The following CSMD1 variants were observed in gnomAD, a reference collection of about 807,000 sequenced individuals.
CSMD1 encodes CUB and sushi domain-containing protein 1.
In CSMD1, 213 loss-of-function variants were observed where a neutral mutation model predicts 417.5. The observed-to-expected ratio is 0.51, with a 90% confidence interval of 0.46 to 0.57. The LOEUF is 0.57. Ranked by LOEUF, CSMD1 falls within the 20% of genes least tolerant of loss-of-function variation. The pLI is 0.00. For synonymous variants in CSMD1, 2,862 were observed against 1,736.8 expected, an observed-to-expected ratio of 1.65 and a Z score of -16.11; for missense variants, 6,923 against 4,529.7, an observed-to-expected ratio of 1.53 and a Z score of -15.17.
intron 2 of CSMD1, among the ~76,000 whole-genome samples, chr8:4,575,890 G>C (rs966187043): frequency 1.3e-5 from 2 of 152,050 alleles, no homozygotes; most frequent in Non-Finnish European, 2.9e-5. Context: ...TTCATTCCCC[G>C]TGTTACAGCT....
At chr8:3,102,316 G>A (rs1190880772) in intron 46 of CSMD1, among the ~76,000 whole-genome samples, 1 of 152,198 alleles carries the variant, frequency 6.6e-6, no homozygotes, top group African/African-American at 2.4e-5. Flanking sequence ...CAAATGATGA[G>A]TTGTTTAGAG....
intron 26 of CSMD1, among the ~76,000 whole-genome samples, chr8:3,275,288 C>T (rs13270657): frequency 0.27 from 41,739 of 151,962 alleles, 5,941 homozygotes; most frequent in African/African-American, 0.34. Flanking sequence ...GAGTTTCTGT[C>T]AAGAGATCTG....
intron 12 of CSMD1, among the ~76,000 whole-genome samples, chr8:3,462,542 C>A (rs987902701): frequency 1.3e-5 from 2 of 152,146 alleles, no homozygotes; most frequent in Non-Finnish European, 1.5e-5. Context: ...GAATCTAATA[C>A]CTGATGATCT....
chr8:4,577,510 C>T (rs915852839), intron 2 of CSMD1, among the ~76,000 whole-genome samples: 4 of 152,176 alleles, frequency 2.6e-5, no homozygotes, highest in Non-Finnish European at 5.9e-5. Context: ...CCCACCTTGC[C>T]ATCCACAGCC....
At chr8:3,070,333 C>A (rs1382741101) in intron 49 of CSMD1, among the ~76,000 whole-genome samples, 1 of 152,226 alleles carries the variant, frequency 6.6e-6, no homozygotes, top group African/African-American at 2.4e-5. Context: ...TGCCACACGG[C>A]CAGCCTGCAA....
chr8:3,955,863 C>T (rs999553675), intron 5 of CSMD1, among the ~76,000 whole-genome samples: 3 of 152,224 alleles, frequency 2.0e-5, no homozygotes, highest in Non-Finnish European at 2.9e-5. Flanking sequence ...TCTGTTCCCC[C>T]AGGCTGGGTG....
intron 11 of CSMD1, among the ~76,000 whole-genome samples, chr8:3,492,851 TA>T (rs1363004540): frequency 1.3e-5 from 2 of 151,696 alleles, no homozygotes; most frequent in East Asian, 3.9e-4. Context: ...CCATGTCTGT[TA>T]CTTTATTACG....
intron 23 of CSMD1, among the ~76,000 whole-genome samples, chr8:3,325,465 T>C (rs1806463986): frequency 6.6e-6 from 1 of 152,372 alleles, no homozygotes; most frequent in Non-Finnish European, 1.5e-5. Context: ...CTAGGTCCTT[T>C]TGTCTTTCTC....
At chr8:3,808,315 T>G (rs1047364505) in intron 5 of CSMD1, among the ~76,000 whole-genome samples, 2 of 152,116 alleles carry the variant, frequency 1.3e-5, no homozygotes, top group Non-Finnish European at 2.9e-5. Flanking sequence ...AATGGGAGCC[T>G]CTCTTCTCTA....
chr8:4,172,051 G>A (rs946285400), intron 3 of CSMD1, among the ~76,000 whole-genome samples: 2 of 152,064 alleles, frequency 1.3e-5, no homozygotes, highest in African/African-American at 4.8e-5. Flanking sequence ...CACAATGCAC[G>A]ATGCTTAAAG....
intron 3 of CSMD1, among the ~76,000 whole-genome samples, chr8:4,118,877 G>T (rs533822774): frequency 6.6e-6 from 1 of 152,296 alleles, no homozygotes; most frequent in South Asian, 2.1e-4. Flanking sequence ...ATAAAGAAAT[G>T]TGGCACATAT....
intron 4 of CSMD1, among the ~76,000 whole-genome samples, chr8:4,005,325 C>T (rs1349148775): frequency 1.3e-5 from 2 of 152,264 alleles, no homozygotes; most frequent in East Asian, 1.9e-4. Flanking sequence ...AGCCTACAGA[C>T]ATTCATTGTA....
chr8:4,018,674 G>T (rs1455416580), intron 4 of CSMD1, among the ~76,000 whole-genome samples: 1 of 152,174 alleles, frequency 6.6e-6, no homozygotes, highest in Admixed American at 6.5e-5. Context: ...TGTAATATTT[G>T]TTTCTCAATT....
intron 1 of CSMD1, among the ~76,000 whole-genome samples, chr8:4,970,288 T>TTACAGACAAA (rs1359488680): frequency 6.6e-6 from 1 of 152,104 alleles, no homozygotes; most frequent in African/African-American, 2.4e-5. Context: ...TGATAGATCA[T>TTACAGACAAA]TTGTCTGTAA....
At chr8:3,494,554 TGATAGATAGATAGATA>T (rs71199579) in intron 10 of CSMD1, among the ~76,000 whole-genome samples, 4,310 of 145,710 alleles carry the variant, frequency 0.03, 65 homozygotes, top group Middle Eastern at 0.067. Flanking sequence ...ACAGATTAGA[TGATAGATAGATAGATA>T]GATAGATAGA....
chr8:3,969,661 G>A (rs933720005), intron 5 of CSMD1, among the ~76,000 whole-genome samples: 11 of 152,192 alleles, frequency 7.2e-5, no homozygotes, highest in Admixed American at 3.9e-4. Flanking sequence ...AAGTGTAAAG[G>A]TTCCTTGCTT....
chr8:4,716,849 C>A (rs1000951973), intron 1 of CSMD1, among the ~76,000 whole-genome samples: 2 of 151,968 alleles, frequency 1.3e-5, no homozygotes, highest in Admixed American at 1.3e-4. Flanking sequence ...TTGAAACAAC[C>A]AAATTTTGTG....
intron 1 of CSMD1, among the ~76,000 whole-genome samples, chr8:4,939,872 C>T (rs1807868305): frequency 6.6e-6 from 1 of 152,112 alleles, no homozygotes; most frequent in Non-Finnish European, 1.5e-5. Flanking sequence ...AGCAATTCCA[C>T]AATGTATACC....
At chr8:3,172,595 A>C (rs908304332) in intron 37 of CSMD1, among the ~76,000 whole-genome samples, 7 of 152,200 alleles carry the variant, frequency 4.6e-5, no homozygotes, top group Non-Finnish European at 1.0e-4. Flanking sequence ...AGGGCGAGAC[A>C]TGTGAGTGGA....
Sources: allele counts gnomAD v4.1 joint callset (sites outside exome capture counted in the v4.1 genomes callset), GRCh38; gene constraint gnomAD v4.1.1; transcripts MANE v1.5; gene names NCBI Gene and HGNC (gene_info 2026-07-23, HGNC 2026-07-21).